RAB28: variants seen among roughly 807,000 people sequenced by gnomAD.
RAB28 encodes RAB28, member RAS oncogene family.
Under a neutral mutation model 31.7 loss-of-function variants are expected in RAB28, and 24 were observed. The observed-to-expected ratio is 0.76, with a 90% confidence interval of 0.55 to 1.06. The LOEUF is 1.06. Ranked by LOEUF, RAB28 falls within the 50% of genes least tolerant of loss-of-function variation. RAB28 has a pLI of 0.00. For missense variants in RAB28, 254 were observed against 258.5 expected, an observed-to-expected ratio of 0.98 and a Z score of 0.12; for synonymous variants, 100 against 90.4, an observed-to-expected ratio of 1.11 and a Z score of -0.60.
At chr4:13,483,662 G>A (rs1716720820) in intron 1 of RAB28, among the ~76,000 whole-genome samples, 1 of 152,192 alleles carries the variant, frequency 6.6e-6, no homozygotes, top group African/African-American at 2.4e-5. Context: ...ACTGATTCCA[G>A]AGCTACGCTC....
At chr4:13,423,427 C>T (rs1179108926) in intron 4 of RAB28, among the ~76,000 whole-genome samples, 1 of 150,450 alleles carries the variant, frequency 6.6e-6, no homozygotes, top group African/African-American at 2.4e-5. Context: ...ATCCCAGCTA[C>T]TCGGGAGGCT....
At chr4:13,433,699 A>G (rs1220955013) in intron 4 of RAB28, among the ~76,000 whole-genome samples, 1 of 152,122 alleles carries the variant, frequency 6.6e-6, no homozygotes, top group Non-Finnish European at 1.5e-5. Flanking sequence ...ACACTTATAC[A>G]CTGTTGGTGG....
At chr4:13,483,648 G>A (rs558812907) in intron 1 of RAB28, among the ~76,000 whole-genome samples, 10 of 152,306 alleles carry the variant, frequency 6.6e-5, no homozygotes, top group Non-Finnish European at 1.3e-4. Context: ...CTCACCCGGG[G>A]AATACTGATT....
At chr4:13,467,517 G>A (rs960838919) in intron 3 of RAB28, among the ~76,000 whole-genome samples, 3 of 151,680 alleles carry the variant, frequency 2.0e-5, no homozygotes, top group African/African-American at 7.3e-5. Context: ...ATGCCATAAG[G>A]GACAAAAAGG....
At chr4:13,429,927 C>T (rs970582196) in intron 4 of RAB28, among the ~76,000 whole-genome samples, 6 of 152,106 alleles carry the variant, frequency 3.9e-5, no homozygotes, top group African/African-American at 1.4e-4. Context: ...AAAACTGATA[C>T]AGTAATCTAC....
intron 4 of RAB28, among the ~76,000 whole-genome samples, chr4:13,431,303 G>C (rs1713793527): frequency 6.6e-6 from 1 of 152,116 alleles, no homozygotes; most frequent in African/African-American, 2.4e-5. Flanking sequence ...CTGCAACAAG[G>C]GCATGATAAA....
chr4:13,396,216 C>A (rs879342900), intron 4 of RAB28, among the ~76,000 whole-genome samples: 17 of 151,944 alleles, frequency 1.1e-4, no homozygotes, highest in Non-Finnish European at 2.2e-4. Context: ...ACAGATTTCA[C>A]AGTAATTTTT....
chr4:13,370,584 T>C, intron 6 of RAB28: 1 of 970,354 alleles, frequency 1.0e-6, no homozygotes, highest in Non-Finnish European at 1.2e-6. Context: ...TAATTATCTT[T>C]GAAGGTGGGG....
intron 2 of RAB28, 151 bp downstream of exon 2, chr4:13,479,279 G>T: frequency 1.7e-6 from 1 of 593,592 alleles, no homozygotes; most frequent in Non-Finnish European, 2.9e-6. Flanking sequence ...ATGATAGATT[G>T]TGATGAAAGT....
chr4:13,451,041 TA>T (rs1366409395), intron 4 of RAB28, among the ~76,000 whole-genome samples: 2 of 151,880 alleles, frequency 1.3e-5, no homozygotes, highest in African/African-American at 4.8e-5. Flanking sequence ...AAAAGTCTTA[TA>T]ATCTGATCTG....
intron 4 of RAB28, among the ~76,000 whole-genome samples, chr4:13,402,739 T>C (rs1430218061): frequency 1.3e-5 from 2 of 152,102 alleles, no homozygotes; most frequent in Non-Finnish European, 2.9e-5. Flanking sequence ...ACATTTTCTG[T>C]AAGGGGCCAG....
intron 4 of RAB28, among the ~76,000 whole-genome samples, chr4:13,422,303 G>C (rs1275833917): frequency 6.6e-6 from 1 of 152,180 alleles, no homozygotes; most frequent in Non-Finnish European, 1.5e-5. Flanking sequence ...GTTGGTGGGA[G>C]TGTAAACTAG....
chr4:13,402,505 C>A (rs760206685), intron 4 of RAB28, among the ~76,000 whole-genome samples: 3 of 152,150 alleles, frequency 2.0e-5, no homozygotes, highest in East Asian at 3.8e-4. Flanking sequence ...CCTCCCTTAT[C>A]GCTACAAAAT....
chr4:13,418,569 C>T (rs1343373945), intron 4 of RAB28, among the ~76,000 whole-genome samples: 4 of 152,228 alleles, frequency 2.6e-5, no homozygotes, highest in Admixed American at 6.5e-5. Flanking sequence ...AGAAACTCTA[C>T]AAGCCAGAAG....
intron 4 of RAB28, among the ~76,000 whole-genome samples, chr4:13,424,971 A>G (rs1020383875): frequency 6.6e-6 from 1 of 152,170 alleles, no homozygotes; most frequent in African/African-American, 2.4e-5. Context: ...CTTTAAAACA[A>G]ACTCCTCAGA....
intron 6 of RAB28, among the ~76,000 whole-genome samples, chr4:13,373,234 G>A (rs886695025): frequency 1.3e-5 from 2 of 152,024 alleles, no homozygotes; most frequent in Admixed American, 6.6e-5. Flanking sequence ...AACGGCAATT[G>A]TAAATTTATT....
intron 3 of RAB28, among the ~76,000 whole-genome samples, chr4:13,462,953 C>T (rs1223413955): frequency 1.3e-5 from 2 of 152,238 alleles, no homozygotes; most frequent in Non-Finnish European, 2.9e-5. Context: ...TACGCTGGAA[C>T]TCAGGTTGCT....
At chr4:13,384,582 T>A (rs1463929076) in intron 4 of RAB28, among the ~76,000 whole-genome samples, 1 of 152,190 alleles carries the variant, frequency 6.6e-6, no homozygotes, top group Admixed American at 6.5e-5. Context: ...ATTTAGAGCA[T>A]GCAGTCCAGG....
intron 4 of RAB28, among the ~76,000 whole-genome samples, chr4:13,403,950 T>C (rs1711925317): frequency 6.6e-6 from 1 of 152,200 alleles, no homozygotes. Flanking sequence ...GTCTCAATTA[T>C]AAAATATTCC....
Sources: allele counts gnomAD v4.1 joint callset (sites outside exome capture counted in the v4.1 genomes callset), GRCh38; gene constraint gnomAD v4.1.1; transcripts MANE v1.5; gene names NCBI Gene and HGNC (gene_info 2026-07-23, HGNC 2026-07-21).